FAM13C: variants seen among roughly 807,000 people sequenced by gnomAD.
The protein encoded by FAM13C is family with sequence similarity 13 member C, also known as protein FAM13C.
A neutral mutation model predicts 73.2 loss-of-function variants in FAM13C; 37 were observed. That is an observed-to-expected ratio of 0.51 (90% CI 0.39 to 0.67). FAM13C has a LOEUF of 0.67. Among genes scored for constraint, FAM13C ranks in the 30% least tolerant of loss-of-function variants. The pLI is 0.00. For synonymous variants in FAM13C, 246 were observed against 260.9 expected (o/e 0.94, Z 0.55); for missense variants, 589 against 715.6 (o/e 0.82, Z 2.02).
chr10:59,283,022 T>C (rs1845113813), intron 6 of FAM13C, among the ~76,000 whole-genome samples: 1 of 152,112 alleles, frequency 6.6e-6, no homozygotes, highest in African/African-American at 2.4e-5. Flanking sequence ...ACAGGTTATC[T>C]AGGTCCAGTA....
chr10:59,283,407 G>T lies in FAM13C; in HGVS notation c.548C>A (p.Pro183Gln). ...AQVHGVKDPA[P>Q]ASTQSVLADG... ...GGCAAGCACGCTCTGGGTTGATGCT[G>T]GCGCCGGGTCCTTGACTCCATGCAC... Residue 183 changes from proline to glutamine, a missense_variant, in exon 6 of 14, where the codon CCA becomes CAA. By Grantham distance (76) the Pro-to-Gln change is moderately conservative. Coordinates refer to ENST00000618804, the MANE Select transcript of FAM13C (RefSeq NM_198215.4). 6.2e-7 allele frequency: 1 copy of T among 1,614,192 alleles called. No homozygotes were observed. The highest frequency in any genetic ancestry group is 8.5e-7 in the Non-Finnish European group (1 of 1,180,020).
chr10:59,305,805 G>A (rs1366283910), intron 4 of FAM13C, among the ~76,000 whole-genome samples: 1 of 152,216 alleles, frequency 6.6e-6, no homozygotes, highest in Non-Finnish European at 1.5e-5. Flanking sequence ...ACAAGCTCAG[G>A]CTTAGATAGC....
At chr10:59,264,011 A>C in intron 9 of FAM13C, 74 bp downstream of exon 9, 1 of 1,347,308 alleles carries the variant, frequency 7.4e-7, no homozygotes, top group South Asian at 1.2e-5. Context: ...ATGAATCTAA[A>C]ATGCTCTGGA....
chr10:59,320,077 G>A (rs1589596482), intron 4 of FAM13C, among the ~76,000 whole-genome samples: 1 of 152,208 alleles, frequency 6.6e-6, no homozygotes, highest in East Asian at 1.9e-4. Context: ...ATAGAAGCTT[G>A]GCAAAGAGCA....
intron 11 of FAM13C, chr10:59,253,744 C>A (rs1051665917): frequency 3.9e-5 from 6 of 152,050 alleles, no homozygotes; most frequent in African/African-American, 1.5e-4. Context: ...AATATTTATT[C>A]CTTTTTATAT....
intron 3 of FAM13C, among the ~76,000 whole-genome samples, chr10:59,326,636 T>A (rs1375810751): frequency 6.6e-6 from 1 of 152,120 alleles, no homozygotes; most frequent in Non-Finnish European, 1.5e-5. Context: ...AGAAAAGGAA[T>A]AAAGATTTTT....
intron 3 of FAM13C, among the ~76,000 whole-genome samples, chr10:59,332,396 C>A (rs1036283037): frequency 1.3e-5 from 2 of 151,824 alleles, no homozygotes; most frequent in Admixed American, 1.3e-4. Context: ...ATTTAAGGGA[C>A]AGGCAGATGG....
chr10:59,267,765 TGA>T (rs1174067771), intron 8 of FAM13C, among the ~76,000 whole-genome samples: 4 of 152,260 alleles, frequency 2.6e-5, no homozygotes, highest in African/African-American at 9.6e-5. Context: ...TCAAGATGTA[TGA>T]GAGATTATTC....
chr10:59,355,176 G>C (rs1855552510), intron 2 of FAM13C, among the ~76,000 whole-genome samples: 1 of 151,974 alleles, frequency 6.6e-6, no homozygotes, highest in Non-Finnish European at 1.5e-5. Context: ...CTATATTCTA[G>C]CCTATCTCCT....
At chr10:59,301,592 T>A (rs1256936320) in intron 5 of FAM13C, among the ~76,000 whole-genome samples, 1 of 152,000 alleles carries the variant, frequency 6.6e-6, no homozygotes, top group African/African-American at 2.4e-5. Context: ...ATGAGTTGAC[T>A]CTTACAATCA....
chr10:59,362,544 G>C lies in FAM13C; in HGVS notation c.-84C>G. The C allele has an allele frequency of 6.4e-7, 1 of 1,568,864 alleles. No homozygotes were observed. The highest frequency in any genetic ancestry group is 8.6e-7 in the Non-Finnish European group (1 of 1,156,240). On this transcript the variant is annotated 5_prime_UTR_variant, in exon 1 of 14. Transcript: ENST00000618804. ...ACACAAACATGGCATTGCAAGGCAA[G>C]TCTCCGGGCTCGCCCGGCACGCTCG... is the stretch of plus-strand genomic sequence containing the variant.
intron 6 of FAM13C, among the ~76,000 whole-genome samples, chr10:59,277,143 TA>T (rs1466690024): frequency 6.6e-6 from 1 of 152,066 alleles, no homozygotes; most frequent in Non-Finnish European, 1.5e-5. Flanking sequence ...ATGATGCCAT[TA>T]AAGAAAACAA....
chr10:59,251,209 A>T, intron 13 of FAM13C: 1 of 326,996 alleles, frequency 3.1e-6, no homozygotes, highest in Non-Finnish European at 5.5e-6. Flanking sequence ...TTAGGGAGTA[A>T]CTTGTGGAAC....
At chr10:59,268,216 GAAAA>G (rs1564499700) in intron 8 of FAM13C, among the ~76,000 whole-genome samples, 1 of 137,260 alleles carries the variant, frequency 7.3e-6, no homozygotes, top group Non-Finnish European at 1.5e-5. Flanking sequence ...GAAAAAAAAA[GAAAA>G]AAGAAAAAGA....
chr10:59,324,235 G>T, intron 3 of FAM13C, 129 bp from the exon 4 acceptor site: 1 of 688,772 alleles, frequency 1.5e-6, no homozygotes, highest in Non-Finnish European at 2.4e-6. Context: ...TTGTAGTGTG[G>T]GAAGGGAGCC....
At chr10:59,290,982 G>A (rs1284296672) in intron 5 of FAM13C, among the ~76,000 whole-genome samples, 6 of 152,164 alleles carry the variant, frequency 3.9e-5, no homozygotes, top group African/African-American at 1.2e-4. Flanking sequence ...CTCCCAGGAC[G>A]TGCCCATTCC....
At chr10:59,250,808 A>G (rs1027270991) in intron 13 of FAM13C, among the ~76,000 whole-genome samples, 1 of 152,144 alleles carries the variant, frequency 6.6e-6, no homozygotes, top group Admixed American at 6.6e-5. Flanking sequence ...TCATTTATTT[A>G]TTTTTGTAAA....
At chr10:59,297,580 G>C (rs284590) in intron 5 of FAM13C, among the ~76,000 whole-genome samples, 1 of 152,094 alleles carries the variant, frequency 6.6e-6, no homozygotes, top group South Asian at 2.1e-4. Context: ...GTTACTTCAA[G>C]GTCCAGGCTG....
intron 3 of FAM13C, among the ~76,000 whole-genome samples, chr10:59,334,667 C>A (rs1173716864): frequency 3.3e-5 from 5 of 150,260 alleles, no homozygotes; most frequent in Admixed American, 6.7e-5. Flanking sequence ...GACAAAAAAA[C>A]CAAACACTGC....
Sources: gnomAD v4.1 joint callset for allele counts (sites outside exome capture counted in the v4.1 genomes callset) on GRCh38, gnomAD v4.1.1 for gene constraint, MANE v1.5 for transcripts, NCBI Gene and HGNC (gene_info 2026-07-23, HGNC 2026-07-21) for gene names.